NSUN5: variants seen among roughly 807,000 people sequenced by gnomAD.
NSUN5 encodes 28S rRNA (cytosine-C(5))-methyltransferase.
In NSUN5, 39 loss-of-function variants were observed where a neutral mutation model predicts 51.1. The ratio of observed to expected loss-of-function variants is 0.76; its 90% confidence interval spans 0.59 to 1.00. NSUN5 has a LOEUF of 1.00. Among genes scored for constraint, NSUN5 ranks in the 50% least tolerant of loss-of-function variants. NSUN5 has a pLI of 0.00. For synonymous variants in NSUN5, 266 were observed against 271.5 expected (o/e 0.98, Z 0.20); for missense variants, 526 against 614.0 (o/e 0.86, Z 1.51).
Position 73,303,728 on chromosome 7 carries a change from G to A in NSUN5, c.1158C>T (p.Ala386=), listed in dbSNP as rs1456270035. The A allele has an allele frequency of 6.8e-6, 11 of 1,613,946 alleles. No individual in the cohort carries two copies. The highest frequency in any genetic ancestry group is 1.3e-5 in the African/African-American group (1 of 74,930). The stretch of plus-strand genomic sequence containing the variant: ...GGCCTCGGTGGGGCCAGGCAGGCAG[G>A]GCGGGAGCTAGCCTGCAAGAGAAAC... ...QNPGAFRLAP[A]LPAWPHRGLS... The change falls in exon 9 of 10, where the codon GCC becomes GCT. Residue 386 remains alanine (A), a synonymous_variant. Transcript: ENST00000438747.
At position 73,303,913 on chromosome 7, in the gene NSUN5, C is replaced by T. The variant is rs200398918; in HGVS notation, c.1058G>A (p.Arg353Gln). ...GAGGGAGCACGTGGAGTAGACGAGC[C>T]GCTGCAGGGAAGGGAAAGTGAGTGC... ...CHALTFPSLQ[R>Q]LVYSTCSLCQ... The change falls in exon 8 of 10, where the codon CGG becomes CAG. Residue 353 changes from arginine (R) to glutamine (Q), a missense_variant. Physicochemically the swap from Arg to Gln is conservative, Grantham distance 43. Coordinates refer to ENST00000438747, the MANE Select transcript of NSUN5 (RefSeq NM_148956.4). The T allele has an allele frequency of 8.7e-5, 141 of 1,613,728 alleles. No individual in the cohort carries two copies. The highest frequency in any genetic ancestry group is 1.1e-4 in the Non-Finnish European group (135 of 1,179,962).
chr7:73,303,983 G>A lies in NSUN5; in HGVS notation c.988C>T (p.Arg330Cys), dbSNP rs1554541336. The A allele has an allele frequency of 3.1e-6, 5 of 1,614,154 alleles. No individual in the cohort carries two copies. The South Asian group carries it at 3.3e-5, about 11-fold the overall frequency. ...TGGAACCCTGCCAGGGCATGCAGACGCACCGGGCTAGGTGTGCCTGCCCCG... is the reference window on the plus strand; with the variant it reads ...TGGAACCCTGCCAGGGCATGCAGACACACCGGGCTAGGTGTGCCTGCCCCG... The part of the protein sequence containing the change: ...EPGAGTPSPV[R>C]LHALAGFQQR... Residue 330 changes from arginine (R) to cysteine (C), a missense_variant, in exon 8 of 10, where the codon CGT becomes TGT. By Grantham distance (180) the Arg-to-Cys change is radical (BLOSUM62 -3). Transcript: ENST00000438747.
rs529950143 is a variant in NSUN5, at chr7:73,302,833, C to A, written c.*582G>T. 393 of 999,736 alleles carry A rather than the reference C, an allele frequency of 3.9e-4. 1 individual carries two copies. Among genetic ancestry groups the A allele is most frequent in the Admixed American group, 5.8e-4 (11 of 18,992 alleles). 61.9% of individuals were successfully genotyped at this position (999,736 alleles called of 1,614,324 possible). On this transcript the variant is annotated 3_prime_UTR_variant, in exon 10 of 10. Coordinates refer to ENST00000438747, the MANE Select transcript of NSUN5 (RefSeq NM_148956.4). ...GGTGGTGGGGCTGCTCCTTCCCACC[C>A]CTCAGAACAGCTCTGATCCTCGTTA...
intron 4 of NSUN5, among the ~76,000 whole-genome samples, chr7:73,306,573 G>A (rs752938361): frequency 5.9e-5 from 9 of 151,970 alleles, no homozygotes; most frequent in Non-Finnish European, 8.8e-5. Context: ...GGCAGTGTCC[G>A]AGGGGCTGAA....
Position 73,304,347 on chromosome 7 carries a change from GGGCCAGCAGCGT to G in NSUN5, c.805_816del (p.Thr269_Ala272del), listed in dbSNP as rs1467254270. On this transcript the variant is annotated inframe_deletion, in exon 7 of 10. Coordinates refer to ENST00000438747, the MANE Select transcript of NSUN5 (RefSeq NM_148956.4). ...AGTTCACAGCAAGAGACGCCAGCCC[GGGCCAGCAGCGT>G]GGCCATGGATGCCAGCCGCTTGGCA... 6.2e-7 allele frequency: 1 copy of G among 1,614,050 alleles called. No individual in the cohort carries two copies. The highest frequency in any genetic ancestry group is 8.5e-7 in the Non-Finnish European group (1 of 1,179,972).
intron 4 of NSUN5, among the ~76,000 whole-genome samples, chr7:73,306,959 G>C (rs556911055): frequency 1.3e-5 from 2 of 152,184 alleles, no homozygotes; most frequent in Non-Finnish European, 2.9e-5. Context: ...AAGCACCTAG[G>C]ATGACTCAGT....
In NSUN5 at chr7:73,307,514, G is replaced by A. The variant is rs1158535866; in HGVS notation, c.392-12C>T. ...AGGCAGCTGGGAGGCTACGTAGGAC[G>A]CAATGAGCAGTGAGTAGGCAGGAGC... On this transcript the variant is annotated splice_polypyrimidine_tract_variant and intron_variant, in intron 3 of 9. Transcript: ENST00000438747. 5.6e-6 allele frequency: 9 copies of A among 1,613,650 alleles called. No individual in the cohort carries two copies. The highest frequency in any genetic ancestry group is 4.0e-5 in the African/African-American group (3 of 74,870).
At chr7:73,306,379 T>G (rs1481672642) in intron 4 of NSUN5, among the ~76,000 whole-genome samples, 1 of 93,862 alleles carries the variant, frequency 1.1e-5, no homozygotes, top group African/African-American at 3.9e-5. Context: ...AGCAAAACCC[T>G]TGTCTCAAAA....
chr7:73,304,552 G>A (rs1803955339), intron 6 of NSUN5, 144 bp from the exon 7 acceptor site: 15 of 917,448 alleles, frequency 1.6e-5, no homozygotes, highest in Admixed American at 2.4e-5. Flanking sequence ...TAACTGGCCT[G>A]GGGTCTCTGC....
At position 73,303,087 on chromosome 7, in the gene NSUN5, C is replaced by T. The variant is rs1348071865; in HGVS notation, c.*328G>A. On this transcript the variant is annotated 3_prime_UTR_variant, in exon 10 of 10. Transcript: ENST00000438747. Reference sequence around the variant, plus strand: ...TGTGAGTGTGGATGTGTACAGTACACGCACTGGACGGCAGCGGGAGGCTGG... The same window carrying T: ...TGTGAGTGTGGATGTGTACAGTACATGCACTGGACGGCAGCGGGAGGCTGG... 11 of 1,404,978 alleles carry T rather than the reference C, an allele frequency of 7.8e-6. No homozygotes were observed. The highest frequency in any genetic ancestry group is 4.3e-5 in the African/African-American group (3 of 69,082). The allele number at this position is 1,404,978 out of a possible 1,614,324, so 87.0% of individuals were successfully genotyped here.
chr7:73,307,544 T>C, intron 3 of NSUN5, 39 bp downstream of exon 3: 1 of 1,602,990 alleles, frequency 6.2e-7, no homozygotes. Flanking sequence ...AGGAGCAAAG[T>C]TCCCCGCCTC....
rs1554541976 is a variant in NSUN5 at position 73,307,463 on chromosome 7, T to C, written c.431A>G (p.Lys144Arg). Residue 144 changes from lysine to arginine, a missense_variant, in exon 4 of 10, where the codon AAG (lysine) becomes AGG (arginine). Physicochemically the swap from Lys to Arg is conservative, Grantham distance 26. Transcript: ENST00000438747. ...ATCAACTACATCATCGGAGCAGGTCTTGAGAGTGTTCACACGCACAAATCG... is the reference window on the plus strand; with the variant it reads ...ATCAACTACATCATCGGAGCAGGTCCTGAGAGTGTTCACACGCACAAATCG... ...LPRFVRVNTL[K>R]TCSDDVVDYF... is the part of the protein sequence containing the mutation. The C allele has an allele frequency of 6.2e-7, 1 of 1,614,186 alleles. No homozygotes were observed. The highest frequency in any genetic ancestry group is 1.1e-5 in the South Asian group (1 of 91,078).
chr7:73,305,721 TA>T (rs1220204441), intron 4 of NSUN5, among the ~76,000 whole-genome samples: 1 of 151,976 alleles, frequency 6.6e-6, no homozygotes, highest in Non-Finnish European at 1.5e-5. Flanking sequence ...TATAACTCAG[TA>T]AAGGAGTCCC....
chr7:73,304,035 A>G lies in NSUN5; in HGVS notation c.936T>C (p.Gly312=), dbSNP rs782691822. 1 of 1,613,886 alleles carries G rather than the reference A, an allele frequency of 6.2e-7. No homozygotes were observed. Among genetic ancestry groups the G allele is most frequent in the Admixed American group, 1.7e-5 (1 of 60,004 alleles). ...GCTCCTCCAGCTGTCTGCTCGGCAT[A>G]CCTAAGGAAAAGAGTGTCTCTGTTA... The part of the protein sequence containing the change: ...ILLDPSCSGS[G]MPSRQLEEPG... Residue 312 remains glycine (G), a splice_region_variant and synonymous_variant, in exon 8 of 10, where the codon GGT becomes GGC. Coordinates refer to ENST00000438747, the MANE Select transcript of NSUN5 (RefSeq NM_148956.4).
At position 73,308,526 on chromosome 7, in the gene NSUN5, A is replaced by T. The variant is rs1804142695; in HGVS notation, c.121T>A (p.Cys41Ser). Residue 41 changes from cysteine (C) to serine (S), a missense_variant, in exon 2 of 10, where the codon TGC becomes AGC. Cys to Ser is a moderately radical substitution (Grantham distance 112). Coordinates refer to ENST00000438747, the MANE Select transcript of NSUN5 (RefSeq NM_148956.4). ...ACGGCGGAGTAGCGCTGCGTTTCGC[A>T]CACCAGCGCGTACAGCTGCTTCACG... ...QNVKQLYALVCETQRYSAVLD... is the reference protein window; with the variant it reads ...QNVKQLYALVSETQRYSAVLD... The T allele has an allele frequency of 6.2e-7, 1 of 1,602,518 alleles. No individual in the cohort carries two copies. The highest frequency in any genetic ancestry group is 8.5e-7 in the Non-Finnish European group (1 of 1,172,038).
At chr7:73,307,835 G>C (rs1261379576) in intron 2 of NSUN5, 78 bp from the exon 3 acceptor site, 24 of 1,307,168 alleles carry the variant, frequency 1.8e-5, no homozygotes, top group Non-Finnish European at 2.1e-6. Flanking sequence ...AACTCTAATG[G>C]AGCCCCGGCA....
At chr7:73,306,972 C>G (rs190439918) in intron 4 of NSUN5, among the ~76,000 whole-genome samples, 229 of 151,674 alleles carry the variant, frequency 1.5e-3, no homozygotes, top group Admixed American at 4.8e-3. Context: ...GACTCAGTTT[C>G]TGGCTTGACC....
chr7:73,307,866 AC>A, intron 2 of NSUN5, 109 bp from the exon 3 acceptor site: 2 of 965,886 alleles, frequency 2.1e-6, no homozygotes, highest in Non-Finnish European at 3.0e-6. Context: ...TAAACAGATC[AC>A]CTGACAAGAT....
At position 73,308,508 on chromosome 7, in the gene NSUN5, A is replaced by G. The variant is rs1804140999; in HGVS notation, c.139T>C (p.Ser47Pro). 6.2e-7 allele frequency: 1 copy of G among 1,605,458 alleles called. No individual in the cohort carries two copies. Among genetic ancestry groups the G allele is most frequent in the Non-Finnish European group, 8.5e-7 (1 of 1,174,414 alleles). ...YALVCETQRY[S>P]AVLDAVIASA... ...GCGATCACAGCATCCAGCACGGCGG[A>G]GTAGCGCTGCGTTTCGCACACCAGC... Residue 47 changes from serine to proline, a missense_variant, in exon 2 of 10, where the codon TCC becomes CCC. Coordinates refer to ENST00000438747, the MANE Select transcript of NSUN5 (RefSeq NM_148956.4).
Sources: gnomAD v4.1 joint callset for allele counts (sites outside exome capture counted in the v4.1 genomes callset) on GRCh38, gnomAD v4.1.1 for gene constraint, MANE v1.5 for transcripts, NCBI Gene and HGNC (gene_info 2026-07-23, HGNC 2026-07-21) for gene names.